Variants in PLEK2 observed in about 807,000 individuals in gnomAD.
PLEK2 encodes pleckstrin-2.
A neutral mutation model predicts 43.8 loss-of-function variants in PLEK2; 29 were observed. That is an observed-to-expected ratio of 0.66 (90% CI 0.49 to 0.90). The LOEUF is 0.90. Among genes scored for constraint, PLEK2 ranks in the 40% least tolerant of loss-of-function variants. The probability of loss-of-function intolerance (pLI) is 0.00; values close to 1 mark genes in which losing one functional copy is unlikely to be tolerated. For synonymous variants in PLEK2, 162 were observed against 173.2 expected, an observed-to-expected ratio of 0.94 and a Z score of 0.51; for missense variants, 398 against 448.1, an observed-to-expected ratio of 0.89 and a Z score of 1.01.
At chr14:67,408,089 C>A (rs2086091135) in intron 1 of PLEK2, among the ~76,000 whole-genome samples, 1 of 151,996 alleles carries the variant, frequency 6.6e-6, no homozygotes. Context: ...GAGTTCAAGA[C>A]CAGCCTGACC....
intron 7 of PLEK2, among the ~76,000 whole-genome samples, chr14:67,389,172 A>T (rs888424274): frequency 2.6e-5 from 4 of 152,046 alleles, no homozygotes; most frequent in African/African-American, 9.7e-5. Context: ...AATCAACTTC[A>T]TACTGCATGT....
chr14:67,395,446 G>C lies in PLEK2; in HGVS notation c.345C>G (p.His115Gln). The change falls in exon 3 of 9, where the codon CAC becomes CAG. Residue 115 changes from histidine to glutamine, a missense_variant. By Grantham distance (24) the His-to-Gln change is conservative. Coordinates refer to ENST00000216446, the MANE Select transcript of PLEK2 (RefSeq NM_016445.3). ...GCAGCTTGAAGGAGTTTCTCAGGCT[G>C]TGCAGCTGCTGGACCTTCCCCGGCT... ...AGQPGKVQQL[H>Q]SLRNSFKLPP... The C allele has an allele frequency of 6.2e-7, 1 of 1,614,042 alleles. No individual in the cohort carries two copies. Among genetic ancestry groups the C allele is most frequent in the Non-Finnish European group, 8.5e-7 (1 of 1,179,912 alleles).
chr14:67,402,902 A>G (rs1214844175), intron 1 of PLEK2, among the ~76,000 whole-genome samples: 1 of 152,168 alleles, frequency 6.6e-6, no homozygotes, highest in African/African-American at 2.4e-5. Context: ...ATATCTCTTC[A>G]ATATATTGAT....
At chr14:67,397,945 A>G (rs1264999517) in intron 1 of PLEK2, 119 bp from the exon 2 acceptor site, 2 of 743,800 alleles carry the variant, frequency 2.7e-6, no homozygotes, top group Non-Finnish European at 4.2e-6. Context: ...GTCTCCAAGG[A>G]AGACAGCAGG....
At chr14:67,396,197 GA>G (rs571502735) in intron 2 of PLEK2, among the ~76,000 whole-genome samples, 75 of 151,792 alleles carry the variant, frequency 4.9e-4, no homozygotes, top group Non-Finnish European at 1.0e-3. Context: ...GCCCAGGCTG[GA>G]GTACAATGGT....
chr14:67,393,114 T>C (rs2085981061), intron 4 of PLEK2, 36 bp downstream of exon 4: 3 of 1,484,662 alleles, frequency 2.0e-6, no homozygotes, highest in Non-Finnish European at 2.8e-6. Flanking sequence ...ATGTCCCAGC[T>C]TGACTGCCCA....
At chr14:67,403,213 A>G (rs960980441) in intron 1 of PLEK2, among the ~76,000 whole-genome samples, 7 of 152,152 alleles carry the variant, frequency 4.6e-5, no homozygotes, top group African/African-American at 1.7e-4. Flanking sequence ...TGCCATTTGT[A>G]TGTCTTCTTT....
At chr14:67,387,921 T>C (rs2085938223) in intron 8 of PLEK2, among the ~76,000 whole-genome samples, 2 of 152,246 alleles carry the variant, frequency 1.3e-5, no homozygotes, top group African/African-American at 4.8e-5. Context: ...TATTAAGGTA[T>C]GTTGTTAACC....
intron 1 of PLEK2, 61 bp from the exon 2 acceptor site, chr14:67,397,887 G>T (rs994493639): frequency 1.9e-5 from 27 of 1,416,748 alleles, no homozygotes; most frequent in Non-Finnish European, 2.4e-5. Context: ...GGTGTTCAGG[G>T]AGGGGGTGTC....
chr14:67,390,485 C>T (rs1302626994), intron 7 of PLEK2, among the ~76,000 whole-genome samples, 178 bp downstream of exon 7: 1 of 152,186 alleles, frequency 6.6e-6, no homozygotes, highest in Non-Finnish European at 1.5e-5. Flanking sequence ...GAAGCAGGCA[C>T]CTATGTGATG....
At chr14:67,406,214 G>A (rs2086077400) in intron 1 of PLEK2, among the ~76,000 whole-genome samples, 1 of 150,522 alleles carries the variant, frequency 6.6e-6, no homozygotes, top group South Asian at 2.1e-4. Flanking sequence ...AGCCAAGATG[G>A]CGCCACTGCA....
At chr14:67,406,120 G>A (rs1368652190) in intron 1 of PLEK2, among the ~76,000 whole-genome samples, 3 of 152,158 alleles carry the variant, frequency 2.0e-5, no homozygotes, top group South Asian at 2.1e-4. Flanking sequence ...TTAGCTGGGC[G>A]TGGTGGTGGG....
At chr14:67,408,941 T>G (rs905814242) in intron 1 of PLEK2, among the ~76,000 whole-genome samples, 4 of 151,928 alleles carry the variant, frequency 2.6e-5, no homozygotes, top group Non-Finnish European at 5.9e-5. Context: ...AATGATCCTT[T>G]ATTGGCCAGG....
chr14:67,404,328 A>G (rs2086065937), intron 1 of PLEK2, among the ~76,000 whole-genome samples: 2 of 152,094 alleles, frequency 1.3e-5, no homozygotes, highest in Admixed American at 1.3e-4. Flanking sequence ...ATTACTTCAT[A>G]TGATACCTAA....
Position 67,387,243 on chromosome 14 carries a change from CA to C in PLEK2, c.*85del. The C allele has an allele frequency of 3.7e-6, 5 of 1,365,350 alleles. No individual in the cohort carries two copies. Among genetic ancestry groups the C allele is most frequent in the South Asian group, 2.8e-5 (2 of 71,448 alleles). The allele number at this position is 1,365,350 out of a possible 1,614,324, so 84.6% of individuals were successfully genotyped here. A position where few individuals can be genotyped will look rare whatever the true frequency, so the allele number is the denominator to read the frequency against. On this transcript the variant is annotated 3_prime_UTR_variant, in exon 9 of 9. Transcript: ENST00000216446. ...AGCAGTACAAAACTTACAAAGAAGT[CA>C]AAAGTCTTAACACTCCCATTCTCCA... is the stretch of plus-strand genomic sequence containing the variant.
At position 67,390,845 on chromosome 14, in the gene PLEK2, G is replaced by A. The variant is rs538382586; in HGVS notation, c.772-99C>T. ...TGCCAAACCCCCAACAAGCCAGCCC[G>A]CTCCAATGGGACTACATTCTAAAAC... On this transcript the variant is annotated intron_variant, in intron 6 of 8. Transcript: ENST00000216446. 3.4e-5 allele frequency: 28 copies of A among 831,340 alleles called. No individual in the cohort carries two copies. The East Asian group carries it at 4.1e-4, about 12-fold the overall frequency. The allele number at this position is 831,340 out of a possible 1,614,324, so 51.5% of individuals were successfully genotyped here.
chr14:67,400,453 A>T (rs2086040428), intron 1 of PLEK2, among the ~76,000 whole-genome samples: 2 of 152,164 alleles, frequency 1.3e-5, no homozygotes, highest in Admixed American at 6.5e-5. Context: ...CTTCTCAGCT[A>T]TTGGGGTTCT....
chr14:67,395,819 G>T (rs2086004432), intron 2 of PLEK2, among the ~76,000 whole-genome samples: 1 of 152,158 alleles, frequency 6.6e-6, no homozygotes, highest in South Asian at 2.1e-4. Context: ...TGTAGGGCCT[G>T]CCTCCTGGAC....
Position 67,388,258 on chromosome 14 carries a change from G to C in PLEK2, c.900C>G (p.Leu300=), listed in dbSNP as rs368337093. The change falls in exon 8 of 9, where the codon CTC becomes CTG. Residue 300 remains leucine (L), a synonymous_variant. Coordinates refer to ENST00000216446, the MANE Select transcript of PLEK2 (RefSeq NM_016445.3). ...PVGGFSLRGS[L]VSALEDNGVP... is the part of the protein sequence containing the mutation. ...CGCCATTATCTTCCAGAGCAGACAC[G>C]AGTGAACCACGAAGAGAAAACCCAC... 1 of 1,613,460 alleles carries C rather than the reference G, an allele frequency of 6.2e-7. No homozygotes were observed. Among genetic ancestry groups the C allele is most frequent in the Non-Finnish European group, 8.5e-7 (1 of 1,179,444 alleles).
Sources: gnomAD v4.1 joint callset for allele counts (sites outside exome capture counted in the v4.1 genomes callset) on GRCh38, gnomAD v4.1.1 for gene constraint, MANE v1.5 for transcripts, NCBI Gene and HGNC (gene_info 2026-07-23, HGNC 2026-07-21) for gene names.